The following TMTC3 variants were observed in gnomAD, a reference collection of about 807,000 sequenced individuals.
The protein encoded by TMTC3 is transmembrane O-mannosyltransferase targeting cadherins 3.
A neutral mutation model predicts 92.2 loss-of-function variants in TMTC3; 52 were observed. The ratio of observed to expected loss-of-function variants is 0.56; its 90% CI spans 0.45 to 0.71. The LOEUF is 0.71. TMTC3 is among the 30% of genes least tolerant of loss of function. TMTC3 has a pLI of 0.00. For synonymous variants in TMTC3, 339 were observed against 363.3 expected, an observed-to-expected ratio of 0.93 and a Z score of 0.76; for missense variants, 896 against 1,057.1, an observed-to-expected ratio of 0.85 and a Z score of 2.11.
At chr12:88,152,181 C>T (rs1229109087) in intron 2 of TMTC3, among the ~76,000 whole-genome samples, 1 of 152,136 alleles carries the variant, frequency 6.6e-6, no homozygotes, top group African/African-American at 2.4e-5. Flanking sequence ...TATGGATCTG[C>T]ACACTGTACA....
intron 8 of TMTC3, among the ~76,000 whole-genome samples, chr12:88,173,743 A>T (rs1429440801): frequency 6.6e-6 from 1 of 152,212 alleles, no homozygotes; most frequent in South Asian, 2.1e-4. Flanking sequence ...AATGCCTGCC[A>T]TGTACCAAGG....
rs755532041 is a variant in TMTC3 at position 88,192,681 on chromosome 12, A to G, written c.1784A>G (p.Asn595Ser). The change falls in exon 13 of 14, where the codon AAT becomes AGT. Residue 595 changes from asparagine (N) to serine (S), a missense_variant. Asn to Ser is a conservative substitution (Grantham distance 46, BLOSUM62 1). Coordinates refer to ENST00000266712, the MANE Select transcript of TMTC3 (RefSeq NM_181783.4). ...AYLKALELDR[N>S]NADLWYNLAI... is the part of the protein sequence containing the mutation. ...CTTAAAGCACTAGAGCTGGACAGAA[A>G]TAATGCAGATCTTTGGTACAACTTG... The G allele has an allele frequency of 4.3e-6, 7 of 1,613,554 alleles. No individual in the cohort carries two copies. Among genetic ancestry groups the G allele is most frequent in the South Asian group, 1.1e-5 (1 of 91,078 alleles).
At chr12:88,157,882 G>T (rs936299124) in intron 4 of TMTC3, among the ~76,000 whole-genome samples, 2 of 152,098 alleles carry the variant, frequency 1.3e-5, no homozygotes, top group African/African-American at 4.8e-5. Context: ...TGAAGTGATT[G>T]GTTTCAGTAA....
Position 88,144,517 on chromosome 12 carries a change from T to G in TMTC3, c.-29+2030T>G, listed in dbSNP as rs115538363. Among the ~76,000 whole-genome samples, 1,018 of 152,278 alleles carry G rather than the reference T, an allele frequency of 6.7e-3. 16 individuals are homozygous for G. The highest frequency in any genetic ancestry group is 0.024 in the African/African-American group (979 of 41,544). On this transcript the variant is annotated intron_variant, in intron 1 of 13. Transcript: ENST00000266712. Reference sequence around the variant, plus strand: ...GCCACCACCCTCTTGCTCACATTCATAAACTCAAGGTGCCTGGTCTCTAAT... The same window carrying G: ...GCCACCACCCTCTTGCTCACATTCAGAAACTCAAGGTGCCTGGTCTCTAAT...
At chr12:88,179,445 T>A (rs944602107) in intron 10 of TMTC3, among the ~76,000 whole-genome samples, 2 of 152,216 alleles carry the variant, frequency 1.3e-5, no homozygotes, top group African/African-American at 4.8e-5. Context: ...TCCATTCTTT[T>A]GTATGGGTTA....
chr12:88,159,300 T>C (rs1174363087), intron 4 of TMTC3, among the ~76,000 whole-genome samples: 1 of 152,186 alleles, frequency 6.6e-6, no homozygotes, highest in Non-Finnish European at 1.5e-5. Flanking sequence ...TTCATTTAAA[T>C]AGAACTTATA....
intron 1 of TMTC3, among the ~76,000 whole-genome samples, chr12:88,147,928 CT>C (rs369966117): frequency 1.1e-4 from 17 of 151,934 alleles, no homozygotes; most frequent in African/African-American, 4.1e-4. Flanking sequence ...TATGGACAGA[CT>C]TTTTTTTACT....
intron 2 of TMTC3, among the ~76,000 whole-genome samples, chr12:88,150,762 TATC>T (rs916368576): frequency 2.6e-5 from 4 of 152,150 alleles, no homozygotes; most frequent in African/African-American, 9.7e-5. Context: ...TAATCATTGA[TATC>T]ATCAAGTTAT....
intron 1 of TMTC3, among the ~76,000 whole-genome samples, chr12:88,146,078 C>T (rs1024470929): frequency 3.3e-5 from 5 of 152,070 alleles, no homozygotes; most frequent in African/African-American, 9.7e-5. Context: ...TACATGTTTG[C>T]AATAATGGCC....
chr12:88,160,788 GTACAT>G lies in TMTC3; in HGVS notation c.737_741del (p.Thr246IlefsTer6). On this transcript the variant is annotated frameshift_variant, in exon 6 of 14. Transcript: ENST00000266712. LOFTEE classifies it high-confidence loss of function. ...GTAAAACTCATTGTCTTGATGTTCAGTACATTATTACTTGTTGTGATTAGAGTCCA... is the reference window on the plus strand; with the variant it reads ...GTAAAACTCATTGTCTTGATGTTCAGTATTACTTGTTGTGATTAGAGTCCA... 1 of 1,613,444 alleles carries G rather than the reference GTACAT, an allele frequency of 6.2e-7. No individual in the cohort carries two copies. The highest frequency in any genetic ancestry group is 8.5e-7 in the Non-Finnish European group (1 of 1,179,670).
intron 6 of TMTC3, among the ~76,000 whole-genome samples, chr12:88,163,107 G>T (rs1428757782): frequency 6.6e-6 from 1 of 151,800 alleles, no homozygotes; most frequent in East Asian, 1.9e-4. Flanking sequence ...GTAGAGATAG[G>T]GTTTCTCCAT....
intron 3 of TMTC3, among the ~76,000 whole-genome samples, chr12:88,153,795 T>G (rs1358912111): frequency 6.6e-6 from 1 of 151,996 alleles, no homozygotes; most frequent in East Asian, 1.9e-4. Flanking sequence ...AGTTCTTCGG[T>G]CACTTTTTTT....
In TMTC3 at chr12:88,172,801, T is replaced by C. The variant is rs1221972466; in HGVS notation, c.1199+56T>C. ...TACTATGGAATTAAGTGTGACACATTTTAAAATTTAAATATTTAGTTCAGT... is the reference window on the plus strand; with the variant it reads ...TACTATGGAATTAAGTGTGACACATCTTAAAATTTAAATATTTAGTTCAGT... On this transcript the variant is annotated intron_variant, in intron 8 of 13. Transcript: ENST00000266712. The C allele has an allele frequency of 7.7e-6, 12 of 1,550,694 alleles. No individual in the cohort carries two copies. In the East Asian group the frequency reaches 2.7e-4, roughly 35 times the overall value.
chr12:88,182,395 A>C (rs2041327938), intron 10 of TMTC3, among the ~76,000 whole-genome samples: 1 of 152,216 alleles, frequency 6.6e-6, no homozygotes, highest in Admixed American at 6.5e-5. Context: ...ATTGCCCTTT[A>C]GGATAGAAAA....
chr12:88,179,072 T>G (rs930584700), intron 10 of TMTC3, among the ~76,000 whole-genome samples: 3 of 152,216 alleles, frequency 2.0e-5, no homozygotes, highest in African/African-American at 7.2e-5. Flanking sequence ...TATCACACTT[T>G]GAGAATTGCT....
rs558304738 is a variant in TMTC3, at chr12:88,196,238, A to C, written c.*589A>C. The C allele has an allele frequency of 3.9e-5, 6 of 152,610 alleles. No homozygotes were observed. The highest frequency in any genetic ancestry group is 3.9e-4 in the Admixed American group (6 of 15,276). 9.5% of individuals were successfully genotyped at this position (152,610 alleles called of 1,614,324 possible). ...GTTAGCTTGAGAATGTATTTTCATA[A>C]TTGTATACTTGTTTTTAACTTTAAA... On this transcript the variant is annotated 3_prime_UTR_variant, in exon 14 of 14. Transcript: ENST00000266712.
At chr12:88,177,228 A>G (rs1194593672) in intron 10 of TMTC3, among the ~76,000 whole-genome samples, 2 of 151,736 alleles carry the variant, frequency 1.3e-5, no homozygotes, top group African/African-American at 4.8e-5. Context: ...TAGGTGGCTG[A>G]GGCACAAGAA....
intron 12 of TMTC3, among the ~76,000 whole-genome samples, chr12:88,191,934 C>T (rs2041447511): frequency 6.6e-6 from 1 of 151,856 alleles, no homozygotes; most frequent in African/African-American, 2.4e-5. Context: ...GTCTCCAACT[C>T]CTGACCTCAA....
intron 12 of TMTC3, 104 bp from the exon 13 acceptor site, chr12:88,192,500 G>GAA (rs11440552): frequency 5.3e-4 from 391 of 733,310 alleles, no homozygotes; most frequent in Non-Finnish European, 6.8e-4. Context: ...TGAGTTAAGA[G>GAA]AAAAAAAAGC....
Sources: gnomAD v4.1 joint callset for allele counts (sites outside exome capture counted in the v4.1 genomes callset) on GRCh38, gnomAD v4.1.1 for gene constraint, MANE v1.5 for transcripts, NCBI Gene and HGNC (gene_info 2026-07-23, HGNC 2026-07-21) for gene names.